The following AFF3 variants were observed in gnomAD, a reference collection of about 807,000 sequenced individuals.
AFF3 encodes the protein ALF transcription elongation factor 3, also known as AF4/FMR2 family member 3.
Under a neutral mutation model 129.7 loss-of-function variants are expected in AFF3, and 32 were observed. The ratio of observed to expected loss-of-function variants is 0.25; its 90% CI spans 0.19 to 0.33. The LOEUF is 0.33. Ranked by LOEUF, AFF3 falls within the 10% of genes least tolerant of loss-of-function variation. AFF3 has a pLI of 1.00. For missense variants in AFF3, 1,373 were observed against 1,592.0 expected (o/e 0.86, Z 2.34); for synonymous variants, 644 against 635.4 (o/e 1.01, Z -0.20).
At chr2:99,682,362 T>A (rs1369341537) in intron 11 of AFF3, among the ~76,000 whole-genome samples, 1 of 152,214 alleles carries the variant, frequency 6.6e-6, no homozygotes, top group Admixed American at 6.5e-5. Context: ...TCTCCCCCCA[T>A]CTTCCATTGG....
intron 10 of AFF3, among the ~76,000 whole-genome samples, chr2:99,736,216 A>G (rs1680242084): frequency 6.6e-6 from 1 of 152,180 alleles, no homozygotes; most frequent in Non-Finnish European, 1.5e-5. Context: ...TTCTGTTTAC[A>G]TCTTCCATTA....
At chr2:99,668,064 A>G (rs184775149) in intron 12 of AFF3, among the ~76,000 whole-genome samples, 3 of 152,130 alleles carry the variant, frequency 2.0e-5, no homozygotes, top group Admixed American at 2.0e-4. Context: ...AGGCTGAGGC[A>G]GGCGAATGGC....
At chr2:100,138,116 A>AT (rs1279678945) in intron 1 of AFF3, among the ~76,000 whole-genome samples, 2 of 152,068 alleles carry the variant, frequency 1.3e-5, no homozygotes, top group Non-Finnish European at 2.9e-5. Flanking sequence ...GACATTTGTG[A>AT]TTTTTTTGCT....
chr2:99,546,798 C>G lies in AFF3; in HGVS notation c.*4676G>C. ...TTGTGTGCAGTTCCCTGACTGCACA[C>G]AAGTCAGGGAACTAACTTGTGACAC... On this transcript the variant is annotated 3_prime_UTR_variant, in exon 25 of 25. Coordinates refer to ENST00000672756, the MANE Select transcript of AFF3 (RefSeq NM_001386135.1). 4.7e-6 allele frequency: 1 copy of G among 214,904 alleles called. No individual in the cohort carries two copies. The highest frequency in any genetic ancestry group is 9.4e-6 in the Non-Finnish European group (1 of 106,574). 13.3% of individuals were successfully genotyped at this position (214,904 alleles called of 1,614,324 possible). A position where few individuals can be genotyped will look rare whatever the true frequency, so the allele number is the denominator to read the frequency against.
intron 13 of AFF3, among the ~76,000 whole-genome samples, chr2:99,631,788 A>C (rs1683140805): frequency 6.6e-6 from 1 of 152,146 alleles, no homozygotes; most frequent in Non-Finnish European, 1.5e-5. Flanking sequence ...CCTTTTGGCT[A>C]TTGTGAATAA....
chr2:99,766,312 T>C (rs1428892334), intron 8 of AFF3, among the ~76,000 whole-genome samples: 1 of 152,242 alleles, frequency 6.6e-6, no homozygotes. Flanking sequence ...CACTTCCAAA[T>C]GAGCAGGCTT....
intron 8 of AFF3, among the ~76,000 whole-genome samples, chr2:99,780,429 T>C (rs759359692): frequency 6.6e-6 from 1 of 152,214 alleles, no homozygotes; most frequent in Non-Finnish European, 1.5e-5. Context: ...TTTATATGAC[T>C]GTGCAACCCA....
chr2:99,719,110 T>A (rs1443754122), intron 11 of AFF3, among the ~76,000 whole-genome samples: 1 of 149,338 alleles, frequency 6.7e-6, no homozygotes, highest in South Asian at 2.2e-4. Flanking sequence ...TTCCTTCTAG[T>A]CCTAGTTGGC....
intron 7 of AFF3, among the ~76,000 whole-genome samples, chr2:99,970,265 C>T (rs1485456555): frequency 5.9e-5 from 9 of 152,146 alleles, no homozygotes. Context: ...AGAGACGTTC[C>T]TTCTCTTTCC....
chr2:99,783,419 T>G (rs992754962), intron 8 of AFF3, among the ~76,000 whole-genome samples: 17 of 152,126 alleles, frequency 1.1e-4, no homozygotes, highest in Non-Finnish European at 2.1e-4. Context: ...AATTCTGCAT[T>G]TGGGTACCAG....
chr2:99,822,507 G>A (rs1372533760), intron 8 of AFF3, among the ~76,000 whole-genome samples: 3 of 152,060 alleles, frequency 2.0e-5, no homozygotes, highest in Admixed American at 2.0e-4. Flanking sequence ...TGCTTTTGAT[G>A]TGGCACACAC....
chr2:99,951,890 C>T (rs111305336), intron 7 of AFF3, among the ~76,000 whole-genome samples: 124 of 152,326 alleles, frequency 8.1e-4, no homozygotes, highest in Middle Eastern at 6.8e-3. Context: ...AGGTGATCCG[C>T]CTGCCTTGGC....
intron 7 of AFF3, among the ~76,000 whole-genome samples, chr2:99,983,645 A>G (rs1267577839): frequency 2.0e-5 from 3 of 152,180 alleles, no homozygotes; most frequent in Non-Finnish European, 2.9e-5. Context: ...GGCAAAAAAC[A>G]TAATGATCTG....
intron 7 of AFF3, among the ~76,000 whole-genome samples, chr2:99,886,426 T>G (rs981091930): frequency 6.6e-6 from 1 of 151,924 alleles, no homozygotes; most frequent in African/African-American, 2.4e-5. Context: ...ACAATTTTTT[T>G]TTTTTCAGGA....
At position 99,764,004 on chromosome 2, in the gene AFF3, A is replaced by C. The variant is rs567857128; in HGVS notation, c.922-11703T>G. ...CGATGAGGTTAATCATCAAAGGATA[A>C]AATGGGGGTAACAATCAATAGAATC... On this transcript the variant is annotated intron_variant, in intron 8 of 24. Coordinates refer to ENST00000672756, the MANE Select transcript of AFF3 (RefSeq NM_001386135.1). Among the ~76,000 whole-genome samples the C allele has an allele frequency of 2.0e-5, 3 of 152,310 alleles. No individual in the cohort carries two copies. The South Asian group carries it at 6.2e-4, about 32-fold the overall frequency.
chr2:99,883,795 A>G (rs1692904034), intron 7 of AFF3, among the ~76,000 whole-genome samples: 1 of 152,124 alleles, frequency 6.6e-6, no homozygotes, highest in South Asian at 2.1e-4. Flanking sequence ...ATACGTGAAA[A>G]TAAAAACAAG....
intron 7 of AFF3, among the ~76,000 whole-genome samples, chr2:99,980,106 A>G (rs1482867784): frequency 6.6e-6 from 1 of 152,190 alleles, no homozygotes; most frequent in African/African-American, 2.4e-5. Flanking sequence ...CTATTGTCAT[A>G]GCATGTTATT....
Position 99,959,706 on chromosome 2 carries a change from T to C in AFF3, c.873+46926A>G, listed in dbSNP as rs1036082063. ...AAAAATAGTGTATAGCATATATATA[T>C]ATATATATATATATATGCGATTATT... On this transcript the variant is annotated intron_variant, in intron 7 of 24. Transcript: ENST00000672756. Among the ~76,000 whole-genome samples the C allele has an allele frequency of 2.7e-5, 4 of 148,626 alleles. No individual in the cohort carries two copies. In the East Asian group the frequency reaches 7.9e-4, roughly 29 times the overall value.
At chr2:99,920,715 GA>G (rs1428258823) in intron 7 of AFF3, among the ~76,000 whole-genome samples, 2 of 151,416 alleles carry the variant, frequency 1.3e-5, no homozygotes, top group Non-Finnish European at 3.0e-5. Context: ...ATAAGCAAGA[GA>G]AAAAAAGGTG....
Sources: gnomAD v4.1 joint callset for allele counts (sites outside exome capture counted in the v4.1 genomes callset) on GRCh38, gnomAD v4.1.1 for gene constraint, MANE v1.5 for transcripts, NCBI Gene and HGNC (gene_info 2026-07-23, HGNC 2026-07-21) for gene names.